SKA1: variants seen among roughly 807,000 people sequenced by gnomAD.
SKA1 encodes the protein spindle and kinetochore associated complex subunit 1.
SKA1 carries 20 observed loss-of-function variants against 31.8 expected under a neutral mutation model. The observed-to-expected ratio is 0.63, with a 90% CI of 0.44 to 0.91. SKA1 has a LOEUF of 0.91. Ranked by LOEUF, SKA1 falls within the 40% of genes least tolerant of loss-of-function variation. SKA1 has a pLI of 0.00. For synonymous variants in SKA1, 88 were observed against 100.5 expected, an observed-to-expected ratio of 0.88 and a Z score of 0.74; for missense variants, 253 against 298.2, an observed-to-expected ratio of 0.85 and a Z score of 1.12.
chr18:50,378,299 G>C (rs1055288633), intron 2 of SKA1, among the ~76,000 whole-genome samples: 1 of 152,114 alleles, frequency 6.6e-6, no homozygotes, highest in Admixed American at 6.5e-5. Flanking sequence ...TTTTGTATGG[G>C]GGGATAATAA....
intron 3 of SKA1, among the ~76,000 whole-genome samples, chr18:50,381,439 C>T (rs1301544258): frequency 6.6e-6 from 1 of 152,140 alleles, no homozygotes; most frequent in African/African-American, 2.4e-5. Flanking sequence ...ACACAGGTAA[C>T]ACTGGGGAGC....
rs543429766 is a variant in SKA1 at position 50,392,977 on chromosome 18, C to T, written c.*730C>T. On this transcript the variant is annotated 3_prime_UTR_variant, in exon 7 of 7. Transcript: ENST00000285116. ...ATCTCCTGACCTCATGATCCGCCCA[C>T]CTCGGCCTCCCAAAGTGCTGGGATT... 2 of 152,226 alleles carry T rather than the reference C, an allele frequency of 1.3e-5. No homozygotes were observed. Among genetic ancestry groups the T allele is most frequent in the African/African-American group, 4.8e-5 (2 of 41,512 alleles). The allele number at this position is 152,226 out of a possible 1,614,324, so 9.4% of individuals were successfully genotyped here. A position where few individuals can be genotyped will look rare whatever the true frequency, so the allele number is the denominator to read the frequency against.
chr18:50,390,798 C>T (rs118084583), intron 5 of SKA1, among the ~76,000 whole-genome samples: 1,876 of 152,200 alleles, frequency 0.012, 42 homozygotes, highest in East Asian at 0.085. Context: ...CCTTTGCTCA[C>T]ATTTAAAACT....
At chr18:50,391,428 G>C (rs1039039035) in intron 6 of SKA1, 135 bp downstream of exon 6, 43 of 911,190 alleles carry the variant, frequency 4.7e-5, no homozygotes, top group Middle Eastern at 6.0e-4. Context: ...CCTACCAGGA[G>C]ACATTTTACC....
chr18:50,375,442 C>T (rs9973128), intron 1 of SKA1, among the ~76,000 whole-genome samples: 2,401 of 152,286 alleles, frequency 0.016, 81 homozygotes, highest in African/African-American at 0.056. Context: ...AAAATGATTA[C>T]CTGGGCCCAT....
intron 5 of SKA1, 41 bp downstream of exon 5, chr18:50,385,394 CAT>C: frequency 6.9e-7 from 1 of 1,443,204 alleles, no homozygotes; most frequent in Non-Finnish European, 9.4e-7. Flanking sequence ...CCTTAATAAA[CAT>C]AAATGATCGT....
intron 6 of SKA1, among the ~76,000 whole-genome samples, chr18:50,391,874 G>A (rs2149324142): frequency 1.3e-5 from 2 of 152,294 alleles, no homozygotes; most frequent in Non-Finnish European, 2.9e-5. Flanking sequence ...CTTGAAAAGT[G>A]AATTGTTCAA....
At chr18:50,376,865 C>T (rs2149318565) in intron 2 of SKA1, among the ~76,000 whole-genome samples, 1 of 151,616 alleles carries the variant, frequency 6.6e-6, no homozygotes, top group South Asian at 2.1e-4. Context: ...CACACACACA[C>T]ACACATTAGC....
chr18:50,379,994 A>G, intron 2 of SKA1, 132 bp from the exon 3 acceptor site: 2 of 638,092 alleles, frequency 3.1e-6, no homozygotes, highest in Non-Finnish European at 4.9e-6. Context: ...GTCATTTTCT[A>G]GGGGCTAAAG....
chr18:50,391,002 G>T, intron 5 of SKA1, 122 bp from the exon 6 acceptor site: 1 of 611,370 alleles, frequency 1.6e-6, no homozygotes, highest in Non-Finnish European at 2.6e-6. Flanking sequence ...ATATAAGATT[G>T]TTTTTATAAA....
In SKA1 at chr18:50,392,401, CT is replaced by C; in HGVS notation, c.*157del. The C allele has an allele frequency of 2.2e-6, 1 of 452,366 alleles. No homozygotes were observed. The highest frequency in any genetic ancestry group is 3.4e-6 in the Non-Finnish European group (1 of 293,222). 28.0% of individuals were successfully genotyped at this position (452,366 alleles called of 1,614,324 possible). ...TCTTGCTTTGTCACCCAGGGGCTTG[CT>C]TTGTCACGCAGGCTAGAGTGCAGTG... On this transcript the variant is annotated 3_prime_UTR_variant, in exon 7 of 7. Transcript: ENST00000285116.
At position 50,388,528 on chromosome 18, in the gene SKA1, G is replaced by C. The variant is rs528939128; in HGVS notation, c.450-2596G>C. 3.9e-3 allele frequency among the ~76,000 whole-genome samples: 488 copies of C among 124,772 alleles called. 3 individuals carry two copies. Among genetic ancestry groups the C allele is most frequent in the African/African-American group, 0.013 (436 of 32,616 alleles). 81.9% of individuals were successfully genotyped at this position (124,772 alleles called of 152,430 possible). On this transcript the variant is annotated intron_variant, in intron 5 of 6. Transcript: ENST00000285116. ...GTAACCTTGTTGTAGTGGTGGTAAG[G>C]TGTTGGAGAGGAGAAGCATTCTATA...
rs1337575675 is a variant in SKA1, at chr18:50,391,336, A to C, written c.619+43A>C. Reference sequence around the variant, plus strand: ...ATGTGTGTACATGTGAACTGTTCAGAGTATAACTAAATCACGAGAAATGTA... The same window carrying C: ...ATGTGTGTACATGTGAACTGTTCAGCGTATAACTAAATCACGAGAAATGTA... On this transcript the variant is annotated intron_variant, in intron 6 of 6. Coordinates refer to ENST00000285116, the MANE Select transcript of SKA1 (RefSeq NM_145060.4). 6.5e-6 allele frequency: 9 copies of C among 1,386,876 alleles called. No homozygotes were observed. The Admixed American group carries it at 8.5e-5, about 13-fold the overall frequency. The allele number at this position is 1,386,876 out of a possible 1,614,324, so 85.9% of individuals were successfully genotyped here. A position where few individuals can be genotyped will look rare whatever the true frequency, so the allele number is the denominator to read the frequency against.
At chr18:50,384,873 A>AAAAAAAAAAAAAAAAAAAG (rs2041293451) in intron 4 of SKA1, among the ~76,000 whole-genome samples, 1 of 29,162 alleles carries the variant, frequency 3.4e-5, no homozygotes, top group South Asian at 8.7e-4. Flanking sequence ...AAAAAAATTA[A>AAAAAAAAAAAAAAAAAAAG]AAAAAAAAAA....
chr18:50,381,504 A>G (rs926502977), intron 3 of SKA1, among the ~76,000 whole-genome samples: 5 of 152,188 alleles, frequency 3.3e-5, no homozygotes, highest in Non-Finnish European at 1.5e-5. Context: ...AGTTCTTTAT[A>G]TATTTCTTAG....
At chr18:50,382,715 G>C (rs2041272804) in intron 4 of SKA1, among the ~76,000 whole-genome samples, 1 of 152,058 alleles carries the variant, frequency 6.6e-6, no homozygotes, top group Non-Finnish European at 1.5e-5. Flanking sequence ...GTAAAAATAA[G>C]CTTAAGGAAG....
intron 4 of SKA1, among the ~76,000 whole-genome samples, chr18:50,384,807 GTAAC>G (rs1362936047): frequency 9.0e-6 from 1 of 111,730 alleles, no homozygotes; most frequent in East Asian, 3.2e-4. Context: ...GTATACATAT[GTAAC>G]TAACCTGCAC....
At chr18:50,391,071 A>T in intron 5 of SKA1, 53 bp from the exon 6 acceptor site, 1 of 1,293,512 alleles carries the variant, frequency 7.7e-7, no homozygotes, top group South Asian at 1.6e-5. Context: ...CAAGGAAAGT[A>T]ATTTTGTATG....
chr18:50,375,649 C>T (rs1450238800), intron 1 of SKA1, among the ~76,000 whole-genome samples, 171 bp from the exon 2 acceptor site: 1 of 152,132 alleles, frequency 6.6e-6, no homozygotes, highest in Non-Finnish European at 1.5e-5. Flanking sequence ...AGTACGGTAC[C>T]GTGGTTAGAA....
Sources: gnomAD v4.1 joint callset for allele counts (sites outside exome capture counted in the v4.1 genomes callset) on GRCh38, gnomAD v4.1.1 for gene constraint, MANE v1.5 for transcripts, NCBI Gene and HGNC (gene_info 2026-07-23, HGNC 2026-07-21) for gene names.